PCDHA5: variants seen among roughly 807,000 people sequenced by gnomAD.
PCDHA5 encodes protocadherin alpha 5.
A neutral mutation model predicts 61.6 loss-of-function variants in PCDHA5; 43 were observed. That is an observed-to-expected ratio of 0.70 (90% CI 0.55 to 0.90). PCDHA5 has a LOEUF of 0.90. Among genes scored for constraint, PCDHA5 ranks in the 40% least tolerant of loss-of-function variants. The probability of loss-of-function intolerance (pLI) is 0.00; values close to 1 mark genes in which losing one functional copy is unlikely to be tolerated. For missense variants in PCDHA5, 1,298 were observed against 1,222.7 expected (o/e 1.06, Z -0.92); for synonymous variants, 627 against 543.9 (o/e 1.15, Z -2.13).
At position 140,877,303 on chromosome 5, in the gene PCDHA5, T is replaced by C. The variant is rs566187421; in HGVS notation, c.2352+53176T>C. 3.5e-4 allele frequency: 564 copies of C among 1,613,850 alleles called. 6 individuals are homozygous for C. In the South Asian group the frequency reaches 5.9e-3, roughly 17 times the overall value. On this transcript the variant is annotated intron_variant, in intron 1 of 3. Transcript: ENST00000529859. ...CTATAACGCTTGGCTGTCCTACGAGTTGCAACCGGCGGCGGTCGGCGCGCA... is the reference window on the plus strand; with the variant it reads ...CTATAACGCTTGGCTGTCCTACGAGCTGCAACCGGCGGCGGTCGGCGCGCA...
intron 1 of PCDHA5, chr5:140,857,735 G>T (rs782288464): frequency 6.3e-7 from 1 of 1,597,334 alleles, no homozygotes; most frequent in Non-Finnish European, 8.6e-7. Flanking sequence ...CAACGCTCCC[G>T]CGCTGCTGGC....
Position 140,927,102 on chromosome 5 carries a change from A to G in PCDHA5, c.2353-51847A>G, listed in dbSNP as rs144696843. 1.4e-5 allele frequency: 23 copies of G among 1,613,520 alleles called. No individual in the cohort carries two copies. In the African/African-American group the frequency reaches 1.7e-4, roughly 12 times the overall value. ...GCGAGCTCTACTTCGGGGTGGATCTACCCAGCGGCAATTTGGTGGTCAGAG... is the reference window on the plus strand; with the variant it reads ...GCGAGCTCTACTTCGGGGTGGATCTGCCCAGCGGCAATTTGGTGGTCAGAG... On this transcript the variant is annotated intron_variant, in intron 1 of 3. Transcript: ENST00000529859.
intron 1 of PCDHA5, among the ~76,000 whole-genome samples, chr5:140,872,414 C>T (rs138959813): frequency 1.3e-5 from 2 of 152,128 alleles, no homozygotes; most frequent in East Asian, 1.9e-4. Context: ...ATTGCTTGAG[C>T]CCAAGAGTTC....
At chr5:140,943,670 G>A (rs1161487572) in intron 1 of PCDHA5, among the ~76,000 whole-genome samples, 1 of 152,036 alleles carries the variant, frequency 6.6e-6, no homozygotes, top group Non-Finnish European at 1.5e-5. Flanking sequence ...TGTATAAAGT[G>A]TGAAAAAAAG....
At chr5:140,991,452 C>T (rs1162146299) in intron 3 of PCDHA5, among the ~76,000 whole-genome samples, 3 of 152,184 alleles carry the variant, frequency 2.0e-5, no homozygotes, top group African/African-American at 7.2e-5. Context: ...TAAAACAACA[C>T]AATGTATTAT....
intron 1 of PCDHA5, chr5:140,830,241 T>C: frequency 6.2e-7 from 1 of 1,613,934 alleles, no homozygotes; most frequent in Non-Finnish European, 8.5e-7. Flanking sequence ...ACGCTACTGC[T>C]GTACACAGCG....
intron 1 of PCDHA5, chr5:140,871,069 C>G: frequency 6.2e-7 from 1 of 1,613,228 alleles, no homozygotes; most frequent in East Asian, 2.2e-5. Context: ...TCACGGTGAG[C>G]CGGCGCTGAC....
chr5:140,972,583 T>G (rs1445659828), intron 1 of PCDHA5, among the ~76,000 whole-genome samples: 1 of 152,088 alleles, frequency 6.6e-6, no homozygotes, highest in African/African-American at 2.4e-5. Flanking sequence ...TAGGGCAGAA[T>G]TTCTCTTTGG....
At chr5:140,833,320 T>C (rs1179944167) in intron 1 of PCDHA5, among the ~76,000 whole-genome samples, 1 of 152,170 alleles carries the variant, frequency 6.6e-6, no homozygotes, top group Non-Finnish European at 1.5e-5. Context: ...TTACATGCCA[T>C]TGGGAACATT....
rs2098417657 is a variant in PCDHA5, at chr5:141,010,566, C to T, written c.*629C>T. 3.4e-6 allele frequency: 1 copy of T among 290,180 alleles called. No individual in the cohort carries two copies. The highest frequency in any genetic ancestry group is 6.5e-6 in the Non-Finnish European group (1 of 154,226). The allele number at this position is 290,180 out of a possible 1,614,324, so 18.0% of individuals were successfully genotyped here. ...GACAAAACTACCCCCACTGACAAGG[C>T]TTTAGGAGACCCTAAAGTCTGTTGG... On this transcript the variant is annotated 3_prime_UTR_variant, in exon 4 of 4. Coordinates refer to ENST00000529859, the MANE Select transcript of PCDHA5 (RefSeq NM_018908.3).
intron 1 of PCDHA5, chr5:140,848,908 A>C: frequency 6.2e-7 from 1 of 1,600,388 alleles, no homozygotes; most frequent in Non-Finnish European, 8.5e-7. Flanking sequence ...GCGACACAAA[A>C]GAATCTGTTC....
At position 140,851,857 on chromosome 5, in the gene PCDHA5, C is replaced by T. The variant is rs532607539; in HGVS notation, c.2352+27730C>T. 3 of 972,984 alleles carry T rather than the reference C, an allele frequency of 3.1e-6. No individual in the cohort carries two copies. The African/African-American group carries it at 5.3e-5, about 17-fold the overall frequency. The allele number at this position is 972,984 out of a possible 1,614,324, so 60.3% of individuals were successfully genotyped here. ...AAAATATCTTTTTCTCCTCTCAGCT[C>T]ATACATAACACAAGGCAGAAATCTG... is the stretch of plus-strand genomic sequence containing the variant. On this transcript the variant is annotated intron_variant, in intron 1 of 3. Coordinates refer to ENST00000529859, the MANE Select transcript of PCDHA5 (RefSeq NM_018908.3).
Position 140,877,047 on chromosome 5 carries a change from C to T in PCDHA5, c.2352+52920C>T, listed in dbSNP as rs372059660. The T allele has an allele frequency of 5.6e-6, 9 of 1,612,564 alleles. No homozygotes were observed. The African/African-American group carries it at 1.2e-4, about 22-fold the overall frequency. On this transcript the variant is annotated intron_variant, in intron 1 of 3. Transcript: ENST00000529859. ...TGTACGCGCTGCAGCCGCTAGACCA[C>T]GAGGAGCTGGAGCTGCTGCAGTTCC...
chr5:140,858,566 G>A (rs2045486949), intron 1 of PCDHA5: 1 of 1,375,796 alleles, frequency 7.3e-7, no homozygotes, highest in African/African-American at 1.4e-5. Context: ...TATTTCTAGT[G>A]ATACCTTTGT....
rs782282264 is a variant in PCDHA5, at chr5:141,009,955, A to C, written c.*18A>C. The C allele has an allele frequency of 6.3e-7, 1 of 1,592,536 alleles. No homozygotes were observed. The highest frequency in any genetic ancestry group is 2.2e-5 in the East Asian group (1 of 44,734). ...ACCAGTGAGGTCCTCAAATGGAAAC[A>C]AGCCACTTAGCCAGTTTTTGTAATA... is the stretch of plus-strand genomic sequence containing the variant. On this transcript the variant is annotated 3_prime_UTR_variant, in exon 4 of 4. Coordinates refer to ENST00000529859, the MANE Select transcript of PCDHA5 (RefSeq NM_018908.3).
At chr5:140,941,219 C>CTTTCTTTCTT (rs1563186292) in intron 1 of PCDHA5, among the ~76,000 whole-genome samples, 18 of 125,974 alleles carry the variant, frequency 1.4e-4, no homozygotes, top group African/African-American at 4.5e-4. Context: ...TTCTTCCTTT[C>CTTTCTTTCTT]TTTCTTTCTT....
At chr5:140,864,459 C>CT (rs1474178285) in intron 1 of PCDHA5, 1 of 152,180 alleles carries the variant, frequency 6.6e-6, no homozygotes, top group Non-Finnish European at 1.5e-5. Context: ...CAATATCCAT[C>CT]TTTTTTGAGA....
intron 1 of PCDHA5, chr5:140,853,318 A>C (rs2042706802): frequency 1.2e-5 from 12 of 984,648 alleles, no homozygotes; most frequent in Non-Finnish European, 1.5e-5. Context: ...CTTAGTAATA[A>C]ATTTATCTTT....
At chr5:140,869,062 T>A (rs370962991) in intron 1 of PCDHA5, 2 of 1,558,588 alleles carry the variant, frequency 1.3e-6, no homozygotes, top group African/African-American at 2.7e-5. Context: ...TCTGGTACTG[T>A]AAGTGTAAAG....
Sources: gnomAD v4.1 joint callset for allele counts (sites outside exome capture counted in the v4.1 genomes callset) on GRCh38, gnomAD v4.1.1 for gene constraint, MANE v1.5 for transcripts, NCBI Gene and HGNC (gene_info 2026-07-23, HGNC 2026-07-21) for gene names.